LHFPL3: variants seen among roughly 807,000 people sequenced by gnomAD.
The protein encoded by LHFPL3 is LHFPL tetraspan subfamily member 3 protein.
Under a neutral mutation model 19.3 loss-of-function variants are expected in LHFPL3, and 5 were observed. The observed-to-expected ratio is 0.26, with a 90% CI of 0.14 to 0.54. The LOEUF (loss-of-function observed/expected upper bound fraction) is 0.54, where lower values mean the gene tolerates loss of function less well. Ranked by LOEUF, LHFPL3 falls within the 20% of genes least tolerant of loss-of-function variation. The pLI, the probability that LHFPL3 is intolerant of heterozygous loss-of-function variation, is 0.94. For missense variants in LHFPL3, 249 were observed against 307.4 expected (o/e 0.81, Z 1.42); for synonymous variants, 133 against 126.2 (o/e 1.05, Z -0.36).
At chr7:104,603,949 T>C (rs1791036366) in intron 1 of LHFPL3, among the ~76,000 whole-genome samples, 1 of 152,202 alleles carries the variant, frequency 6.6e-6, no homozygotes, top group Non-Finnish European at 1.5e-5. Flanking sequence ...GTTTCATGCC[T>C]GCAGCTCTTT....
chr7:104,489,747 A>T (rs1027942482), intron 1 of LHFPL3, among the ~76,000 whole-genome samples: 1 of 152,032 alleles, frequency 6.6e-6, no homozygotes, highest in Non-Finnish European at 1.5e-5. Flanking sequence ...TACATGGATG[A>T]TATCCATAAC....
intron 2 of LHFPL3, among the ~76,000 whole-genome samples, chr7:104,867,020 G>C (rs1791737328): frequency 6.6e-6 from 1 of 152,136 alleles, no homozygotes; most frequent in African/African-American, 2.4e-5. Flanking sequence ...GATGTTCTTT[G>C]AAACCAACAA....
chr7:104,435,821 G>A (rs1397833449), intron 1 of LHFPL3, among the ~76,000 whole-genome samples: 1 of 151,654 alleles, frequency 6.6e-6, no homozygotes, highest in Non-Finnish European at 1.5e-5. Flanking sequence ...TTTATAGACT[G>A]GCCCTTTGAC....
At chr7:104,701,006 A>C (rs187236201) in intron 1 of LHFPL3, among the ~76,000 whole-genome samples, 1 of 152,190 alleles carries the variant, frequency 6.6e-6, no homozygotes. Context: ...TTCTTTGTTT[A>C]CACTTTCATT....
At chr7:104,695,006 T>G (rs537432121) in intron 1 of LHFPL3, among the ~76,000 whole-genome samples, 2 of 152,378 alleles carry the variant, frequency 1.3e-5, no homozygotes, top group Admixed American at 1.3e-4. Context: ...CTATTTGTCA[T>G]GGACCATGAA....
rs373187397 is a variant in LHFPL3 at position 104,331,269 on chromosome 7, A to G, written c.445+2045A>G. ...TGTTGTTCTCAGGCATTTGACATCA[A>G]TGTTTATCCTGTTTTCCACGTCATG... is the stretch of plus-strand genomic sequence containing the variant. On this transcript the variant is annotated intron_variant, in intron 1 of 2. Transcript: ENST00000424859. Among the ~76,000 whole-genome samples the G allele has an allele frequency of 5.3e-5, 8 of 152,216 alleles. No homozygotes were observed. The East Asian group carries it at 1.2e-3, about 22-fold the overall frequency.
chr7:104,370,679 C>T (rs1478618211), intron 1 of LHFPL3, among the ~76,000 whole-genome samples: 2 of 152,066 alleles, frequency 1.3e-5, no homozygotes, highest in East Asian at 3.9e-4. Context: ...GGTCAGAGTT[C>T]GAGACCAGCC....
At chr7:104,865,151 T>A in intron 2 of LHFPL3, among the ~76,000 whole-genome samples, 1 of 151,726 alleles carries the variant, frequency 6.6e-6, no homozygotes, top group East Asian at 1.9e-4. Flanking sequence ...AACTGGAAAC[T>A]CTAAAAATCA....
At position 104,604,397 on chromosome 7, in the gene LHFPL3, T is replaced by A. The variant is rs922425068; in HGVS notation, c.446-132278T>A. ...CCCCGCTAGAGCTCTGGGCCTGTGA[T>A]GGGAGGGGCAGCCTCAAAGAGCTCT... On this transcript the variant is annotated intron_variant, in intron 1 of 2. Coordinates refer to ENST00000424859, the MANE Select transcript of LHFPL3 (RefSeq NM_199000.3). Among the ~76,000 whole-genome samples the A allele has an allele frequency of 7.2e-5, 11 of 152,196 alleles. 1 individual carries two copies. The highest frequency in any genetic ancestry group is 7.2e-4 in the Admixed American group (11 of 15,274).
intron 2 of LHFPL3, among the ~76,000 whole-genome samples, chr7:104,740,504 C>T (rs1357529027): frequency 6.6e-6 from 1 of 152,094 alleles, no homozygotes; most frequent in East Asian, 1.9e-4. Context: ...TCTCACGCTG[C>T]TAATAAAGAC....
intron 1 of LHFPL3, among the ~76,000 whole-genome samples, chr7:104,625,482 C>A (rs1448297102): frequency 6.6e-6 from 1 of 152,168 alleles, no homozygotes; most frequent in African/African-American, 2.4e-5. Flanking sequence ...GGCACACCAG[C>A]AGGGAGAAAA....
intron 1 of LHFPL3, among the ~76,000 whole-genome samples, chr7:104,522,866 A>T (rs1373697552): frequency 6.6e-6 from 1 of 152,124 alleles, no homozygotes; most frequent in Non-Finnish European, 1.5e-5. Flanking sequence ...CAACAGGGAC[A>T]TGCACAGAGT....
intron 1 of LHFPL3, among the ~76,000 whole-genome samples, chr7:104,540,280 T>C (rs1178667974): frequency 6.6e-6 from 1 of 152,060 alleles, no homozygotes; most frequent in Non-Finnish European, 1.5e-5. Flanking sequence ...AGATATGGTA[T>C]TGAAAGTATG....
chr7:104,862,634 C>T (rs1336259090), intron 2 of LHFPL3, among the ~76,000 whole-genome samples: 3 of 50 alleles, frequency 0.06, no homozygotes, highest in Non-Finnish European at 0.094. Flanking sequence ...CCGCTGGTCC[C>T]GCAGTGCCCA....
chr7:104,411,348 G>C (rs956942315), intron 1 of LHFPL3, among the ~76,000 whole-genome samples: 24 of 152,154 alleles, frequency 1.6e-4, no homozygotes, highest in Admixed American at 7.2e-4. Flanking sequence ...CAGATTGTCA[G>C]GTTATTTTGG....
At chr7:104,875,063 G>C (rs1562822374) in intron 2 of LHFPL3, among the ~76,000 whole-genome samples, 1 of 151,686 alleles carries the variant, frequency 6.6e-6, no homozygotes, top group Admixed American at 6.6e-5. Context: ...GCCCAGGCTG[G>C]TCTCGAACTC....
chr7:104,728,522 C>T (rs1793630875), intron 1 of LHFPL3, among the ~76,000 whole-genome samples: 1 of 152,190 alleles, frequency 6.6e-6, no homozygotes, highest in Non-Finnish European at 1.5e-5. Context: ...AATCTTTCCA[C>T]ATGCTGTTCC....
At chr7:104,648,183 C>A (rs1436873664) in intron 1 of LHFPL3, among the ~76,000 whole-genome samples, 1 of 152,154 alleles carries the variant, frequency 6.6e-6, no homozygotes, top group East Asian at 1.9e-4. Context: ...CGTAGGAAGC[C>A]AGTGGCCAAG....
intron 2 of LHFPL3, among the ~76,000 whole-genome samples, chr7:104,769,736 T>C (rs532767089): frequency 7.2e-5 from 11 of 152,110 alleles, no homozygotes; most frequent in Non-Finnish European, 1.3e-4. Context: ...TGTGATAGTT[T>C]GTTGAGAATG....
Sources: allele counts gnomAD v4.1 joint callset (sites outside exome capture counted in the v4.1 genomes callset), GRCh38; gene constraint gnomAD v4.1.1; transcripts MANE v1.5; gene names NCBI Gene and HGNC (gene_info 2026-07-23, HGNC 2026-07-21).